The following CYRIA variants were observed in gnomAD, a reference collection of about 807,000 sequenced individuals.
The protein encoded by CYRIA is CYFIP related Rac1 interactor A, also known as CYFIP-related Rac1 interactor A.
In CYRIA, 15 loss-of-function variants were observed where a neutral mutation model predicts 43.9. The ratio of observed to expected loss-of-function variants is 0.34; its 90% confidence interval spans 0.23 to 0.53. CYRIA has a LOEUF of 0.53. CYRIA is among the 20% of genes least tolerant of loss of function. The pLI, the probability that CYRIA is intolerant of heterozygous loss-of-function variation, is 0.94. For missense variants in CYRIA, 236 were observed against 394.2 expected, an observed-to-expected ratio of 0.60 and a Z score of 3.40; for synonymous variants, 117 against 136.0, an observed-to-expected ratio of 0.86 and a Z score of 0.97.
rs1264436903 is a variant in CYRIA, at chr2:16,550,790, G to A, written c.*2146C>T. ...CTGGCAAGTCCTTTCCTTTCTTTAA[G>A]CCTTAATCTCCTCACTTGATAGAGG... On this transcript the variant is annotated 3_prime_UTR_variant, in exon 12 of 12. Transcript: ENST00000381323. 6.6e-6 allele frequency: 1 copy of A among 152,082 alleles called. No homozygotes were observed. Among genetic ancestry groups the A allele is most frequent in the Non-Finnish European group, 1.5e-5 (1 of 68,022 alleles). The allele number at this position is 152,082 out of a possible 1,614,324, so 9.4% of individuals were successfully genotyped here.
At chr2:16,648,871 C>T (rs1284592191) in intron 1 of CYRIA, among the ~76,000 whole-genome samples, 1 of 152,098 alleles carries the variant, frequency 6.6e-6, no homozygotes, top group Non-Finnish European at 1.5e-5. Context: ...ATATTGATAC[C>T]AGACATAAGC....
chr2:16,643,362 T>C (rs1669731841), intron 1 of CYRIA, among the ~76,000 whole-genome samples: 1 of 152,092 alleles, frequency 6.6e-6, no homozygotes, highest in African/African-American at 2.4e-5. Context: ...AGCCAGGGCC[T>C]GGAGATACAG....
chr2:16,660,767 A>T (rs966520403), intron 1 of CYRIA, among the ~76,000 whole-genome samples: 2 of 152,236 alleles, frequency 1.3e-5, no homozygotes, highest in Non-Finnish European at 2.9e-5. Flanking sequence ...AAGTGAAGTC[A>T]TTAAATAAGC....
intron 1 of CYRIA, among the ~76,000 whole-genome samples, chr2:16,665,091 A>G (rs975517488): frequency 4.6e-5 from 7 of 152,164 alleles, no homozygotes; most frequent in African/African-American, 1.4e-4. Context: ...TTGACAGAGA[A>G]TGTCTCCTGG....
intron 3 of CYRIA, among the ~76,000 whole-genome samples, chr2:16,567,360 T>C (rs1417630692): frequency 6.6e-6 from 1 of 152,042 alleles, no homozygotes; most frequent in East Asian, 1.9e-4. Flanking sequence ...ACTGAGATCA[T>C]GTCACTGCAC....
chr2:16,573,907 C>T (rs1417356682), intron 3 of CYRIA, among the ~76,000 whole-genome samples: 1 of 152,080 alleles, frequency 6.6e-6, no homozygotes, highest in Non-Finnish European at 1.5e-5. Flanking sequence ...TAAATTGGTA[C>T]CAGTACAGTG....
In CYRIA at chr2:16,559,586, C is replaced by T. The variant is rs1666653681; in HGVS notation, c.711G>A (p.Pro237=). 1.2e-6 allele frequency: 2 copies of T among 1,611,110 alleles called. No homozygotes were observed. The highest frequency in any genetic ancestry group is 1.7e-5 in the Admixed American group (1 of 59,716). Residue 237 remains proline, a splice_region_variant and synonymous_variant, in exon 10 of 12, where the codon CCG becomes CCA. Transcript: ENST00000381323. ...TSVCKVMLET[P]EYRSRFTSEE... ...CACTCGTAAACCTACTTCTGTACTCCCTGCAAGAGAAGAAACAGCAGTGGC... is the reference window on the plus strand; with the variant it reads ...CACTCGTAAACCTACTTCTGTACTCTCTGCAAGAGAAGAAACAGCAGTGGC...
chr2:16,653,427 C>T (rs1452457017), intron 1 of CYRIA, among the ~76,000 whole-genome samples: 1 of 152,232 alleles, frequency 6.6e-6, no homozygotes, highest in African/African-American at 2.4e-5. Flanking sequence ...TCTCTGACAA[C>T]CCTATTTAAA....
intron 1 of CYRIA, among the ~76,000 whole-genome samples, chr2:16,632,447 G>T (rs1281331435): frequency 6.6e-6 from 1 of 150,740 alleles, no homozygotes; most frequent in Non-Finnish European, 1.5e-5. Context: ...CACCTCAGGG[G>T]AGTCATTACA....
chr2:16,597,157 G>C (rs1558419205), intron 2 of CYRIA, among the ~76,000 whole-genome samples: 1 of 99,836 alleles, frequency 1.0e-5, no homozygotes, highest in Non-Finnish European at 1.9e-5. Context: ...CCAACTGTGT[G>C]GTCAATTTTG....
chr2:16,611,203 CAA>C (rs11399188), intron 2 of CYRIA, among the ~76,000 whole-genome samples: 1 of 139,982 alleles, frequency 7.1e-6, no homozygotes, highest in Non-Finnish European at 1.6e-5. Context: ...ACTAAAAATA[CAA>C]AAAAAAAAAA....
chr2:16,653,734 G>A (rs537104993), intron 1 of CYRIA, among the ~76,000 whole-genome samples: 1 of 152,260 alleles, frequency 6.6e-6, no homozygotes, highest in Non-Finnish European at 1.5e-5. Context: ...TGAATTTGAC[G>A]GGGACCTGGG....
chr2:16,568,238 A>C (rs1667015606), intron 3 of CYRIA, among the ~76,000 whole-genome samples: 1 of 151,384 alleles, frequency 6.6e-6, no homozygotes, highest in African/African-American at 2.4e-5. Context: ...AAAAAAAAAA[A>C]AAAAAAAAAA....
At chr2:16,592,700 T>C (rs1382932525) in intron 2 of CYRIA, among the ~76,000 whole-genome samples, 1 of 152,168 alleles carries the variant, frequency 6.6e-6, no homozygotes, top group Non-Finnish European at 1.5e-5. Flanking sequence ...CATTCTCAAA[T>C]ATGACTTCTA....
intron 2 of CYRIA, among the ~76,000 whole-genome samples, chr2:16,593,591 T>C (rs1668002241): frequency 1.3e-5 from 2 of 152,090 alleles, no homozygotes; most frequent in African/African-American, 4.8e-5. Context: ...CAATGCAAAA[T>C]TCCCGAACAT....
chr2:16,566,080 G>GA (rs1320192194), intron 3 of CYRIA, among the ~76,000 whole-genome samples: 3 of 152,126 alleles, frequency 2.0e-5, no homozygotes, highest in South Asian at 2.1e-4. Context: ...CTGAGTGATA[G>GA]AAAAAATAAG....
chr2:16,612,106 C>A (rs531023546), intron 2 of CYRIA, among the ~76,000 whole-genome samples: 1 of 152,130 alleles, frequency 6.6e-6, no homozygotes, highest in South Asian at 2.1e-4. Context: ...GAGGTGAAGA[C>A]CCCCTGGATG....
At chr2:16,631,156 C>G (rs554904655) in intron 1 of CYRIA, among the ~76,000 whole-genome samples, 1 of 152,356 alleles carries the variant, frequency 6.6e-6, no homozygotes, top group African/African-American at 2.4e-5. Context: ...CCTCTTTGGA[C>G]TACTTTGAAA....
At chr2:16,644,296 A>G (rs1669757812) in intron 1 of CYRIA, among the ~76,000 whole-genome samples, 1 of 152,200 alleles carries the variant, frequency 6.6e-6, no homozygotes, top group Non-Finnish European at 1.5e-5. Flanking sequence ...AGTGAATCAC[A>G]CATCCCAATT....
Sources: gnomAD v4.1 joint callset for allele counts (sites outside exome capture counted in the v4.1 genomes callset) on GRCh38, gnomAD v4.1.1 for gene constraint, MANE v1.5 for transcripts, NCBI Gene and HGNC (gene_info 2026-07-23, HGNC 2026-07-21) for gene names.